KYNU: variants seen among roughly 807,000 people sequenced by gnomAD.
KYNU encodes the protein kynureninase, also known as L-kynurenine hydrolase.
Under a neutral mutation model 59.2 loss-of-function variants are expected in KYNU, and 54 were observed. The observed-to-expected ratio is 0.91, with a 90% CI of 0.73 to 1.14. The LOEUF (loss-of-function observed/expected upper bound fraction) is 1.14. Ranked by LOEUF, KYNU falls within the 50% of genes most tolerant of loss-of-function variation. The pLI, the probability that KYNU is intolerant of heterozygous loss-of-function variation, is 0.00. For missense variants in KYNU, 567 were observed against 554.4 expected (o/e 1.02, Z -0.23); for synonymous variants, 177 against 192.0 (o/e 0.92, Z 0.65).
chr2:142,925,065 A>G (rs1159238283), intron 3 of KYNU, among the ~76,000 whole-genome samples: 1 of 152,186 alleles, frequency 6.6e-6, no homozygotes, highest in Non-Finnish European at 1.5e-5. Context: ...GTGGCATAAC[A>G]TTCTGAGATA....
At chr2:142,933,257 A>T (rs1683286523) in intron 4 of KYNU, among the ~76,000 whole-genome samples, 1 of 152,166 alleles carries the variant, frequency 6.6e-6, no homozygotes, top group African/African-American at 2.4e-5. Flanking sequence ...CTGGGTTAGA[A>T]CACCTAGTGT....
chr2:142,882,412 G>A (rs563112754), intron 1 of KYNU, among the ~76,000 whole-genome samples: 1 of 151,774 alleles, frequency 6.6e-6, no homozygotes, highest in African/African-American at 2.4e-5. Context: ...TATGTGCCAT[G>A]TCAGTTTGCT....
chr2:143,031,100 G>A (rs1686725743), intron 11 of KYNU, among the ~76,000 whole-genome samples: 1 of 152,156 alleles, frequency 6.6e-6, no homozygotes, highest in Non-Finnish European at 1.5e-5. Flanking sequence ...GGGACCATTG[G>A]TATGCAGATT....
At chr2:142,892,550 A>G (rs1184116810) in intron 2 of KYNU, among the ~76,000 whole-genome samples, 1 of 152,242 alleles carries the variant, frequency 6.6e-6, no homozygotes, top group Admixed American at 6.5e-5. Context: ...GATGATTGGT[A>G]TAATAGGGTG....
intron 8 of KYNU, among the ~76,000 whole-genome samples, chr2:142,974,062 GAT>G (rs1346109951): frequency 6.6e-6 from 1 of 152,210 alleles, no homozygotes; most frequent in East Asian, 1.9e-4. Flanking sequence ...AGAGCATTCA[GAT>G]AGTTCAGAGC....
chr2:142,974,472 T>C (rs1684828882), intron 8 of KYNU, among the ~76,000 whole-genome samples: 1 of 152,228 alleles, frequency 6.6e-6, no homozygotes, highest in Admixed American at 6.5e-5. Flanking sequence ...TTTTTCCTTT[T>C]GGCCTAGTAA....
intron 10 of KYNU, among the ~76,000 whole-genome samples, chr2:143,019,203 G>T (rs1199683043): frequency 6.6e-6 from 1 of 152,064 alleles, no homozygotes; most frequent in African/African-American, 2.4e-5. Flanking sequence ...GGGCATCCTT[G>T]TATTGTTCCT....
At chr2:142,942,160 GA>G (rs56221582) in intron 4 of KYNU, among the ~76,000 whole-genome samples, 11,314 of 96,248 alleles carry the variant, frequency 0.12, 1,026 homozygotes, top group African/African-American at 0.32. Context: ...CTGGGTGACA[GA>G]AAAAAAAAAA....
chr2:143,022,678 T>A (rs1686442347), intron 10 of KYNU, among the ~76,000 whole-genome samples: 1 of 151,992 alleles, frequency 6.6e-6, no homozygotes, highest in African/African-American at 2.4e-5. Flanking sequence ...TTTTCTCTAT[T>A]TCTCCTATTA....
intron 6 of KYNU, 75 bp from the exon 7 acceptor site, chr2:142,957,566 C>T: frequency 2.2e-6 from 2 of 918,344 alleles, no homozygotes; most frequent in Non-Finnish European, 3.6e-6. Context: ...CTTATTTTTA[C>T]TTTATTATTT....
In KYNU at chr2:143,050,882, A is replaced by G. The variant is rs1391473813; in HGVS notation, c.*8710A>G. The G allele has an allele frequency of 6.6e-6, 1 of 152,146 alleles. No individual in the cohort carries two copies. The highest frequency in any genetic ancestry group is 1.5e-5 in the Non-Finnish European group (1 of 68,026). 9.4% of individuals were successfully genotyped at this position (152,146 alleles called of 1,614,324 possible). The stretch of plus-strand genomic sequence containing the variant: ...ATTTTTGCACCACTTCAAGAAAGAA[A>G]CCTTCAAACAGCCTGGAAATATCAC... On this transcript the variant is annotated 3_prime_UTR_variant, in exon 14 of 14. Coordinates refer to ENST00000264170, the MANE Select transcript of KYNU (RefSeq NM_003937.3).
intron 8 of KYNU, among the ~76,000 whole-genome samples, chr2:142,973,670 AT>A (rs1684802329): frequency 6.6e-6 from 1 of 152,168 alleles, no homozygotes; most frequent in Admixed American, 6.6e-5. Context: ...GGAAGTACTC[AT>A]CCCTCGCTCC....
intron 4 of KYNU, among the ~76,000 whole-genome samples, chr2:142,935,239 G>T (rs1167264727): frequency 1.3e-5 from 2 of 152,160 alleles, no homozygotes; most frequent in Admixed American, 6.5e-5. Flanking sequence ...TATGACTTCA[G>T]TTAAACAAGA....
intron 1 of KYNU, among the ~76,000 whole-genome samples, chr2:142,883,410 G>A (rs1253850654): frequency 6.6e-6 from 1 of 151,836 alleles, no homozygotes; most frequent in East Asian, 1.9e-4. Context: ...GTGTTAGCCA[G>A]GACGGTCTTG....
In KYNU at chr2:143,050,009, T is replaced by G. The variant is rs1687236194; in HGVS notation, c.*7837T>G. The G allele has an allele frequency of 6.8e-6, 1 of 148,058 alleles. No homozygotes were observed. Among genetic ancestry groups the G allele is most frequent in the African/African-American group, 2.4e-5 (1 of 40,846 alleles). The allele number at this position is 148,058 out of a possible 1,614,324, so 9.2% of individuals were successfully genotyped here. ...CACATAAGTAGGATTTACCTGAATATATATATAATATATAAACATATATTT... is the reference window on the plus strand; with the variant it reads ...CACATAAGTAGGATTTACCTGAATAGATATATAATATATAAACATATATTT... On this transcript the variant is annotated 3_prime_UTR_variant, in exon 14 of 14. Coordinates refer to ENST00000264170, the MANE Select transcript of KYNU (RefSeq NM_003937.3).
Position 143,034,793 on chromosome 2 carries a change from C to T in KYNU, c.1041+1472C>T, listed in dbSNP as rs3754603. Among the ~76,000 whole-genome samples, 61 of 152,236 alleles carry T rather than the reference C, an allele frequency of 4.0e-4. No individual in the cohort carries two copies. In the East Asian group the frequency reaches 0.011, roughly 27 times the overall value. ...AAAACAAAATAAAGTTTCTGCATTC[C>T]TTGCAAGTTTGTATCAGCGAGATGT... is the stretch of plus-strand genomic sequence containing the variant. On this transcript the variant is annotated intron_variant, in intron 12 of 13. Coordinates refer to ENST00000264170, the MANE Select transcript of KYNU (RefSeq NM_003937.3).
At chr2:142,962,821 T>C (rs73964467) in intron 8 of KYNU, among the ~76,000 whole-genome samples, 1 of 152,214 alleles carries the variant, frequency 6.6e-6, no homozygotes, top group African/African-American at 2.4e-5. Flanking sequence ...CCTCCTATTA[T>C]CAACCAAGGT....
Position 143,013,765 on chromosome 2 carries a change from A to G in KYNU, c.903-15862A>G, listed in dbSNP as rs141594806. 2.0e-5 allele frequency among the ~76,000 whole-genome samples: 3 copies of G among 152,272 alleles called. 1 individual carries two copies. The highest frequency in any genetic ancestry group is 4.1e-4 in the South Asian group (2 of 4,826). On this transcript the variant is annotated intron_variant, in intron 10 of 13. Transcript: ENST00000264170. ...TTCTTTTCCTTTCCTCCACAGAATGACATTGCAAAGGTAGATGATATACAG... is the reference window on the plus strand; with the variant it reads ...TTCTTTTCCTTTCCTCCACAGAATGGCATTGCAAAGGTAGATGATATACAG...
chr2:142,880,927 A>G (rs541449014), intron 1 of KYNU, among the ~76,000 whole-genome samples: 32 of 152,336 alleles, frequency 2.1e-4, no homozygotes, highest in Non-Finnish European at 4.0e-4. Context: ...CTATCCATAC[A>G]TATGTCCAAA....
Sources: allele counts gnomAD v4.1 joint callset (sites outside exome capture counted in the v4.1 genomes callset), GRCh38; gene constraint gnomAD v4.1.1; transcripts MANE v1.5; gene names NCBI Gene and HGNC (gene_info 2026-07-23, HGNC 2026-07-21).